The following PCCA variants were observed in gnomAD, a reference collection of about 807,000 sequenced individuals.
PCCA encodes propionyl-CoA carboxylase alpha chain, mitochondrial.
In PCCA, 74 loss-of-function variants were observed where a neutral mutation model predicts 101.3. The observed-to-expected ratio is 0.73, with a 90% CI of 0.61 to 0.89. The LOEUF (loss-of-function observed/expected upper bound fraction) is 0.89. Ranked by LOEUF, PCCA falls within the 40% of genes least tolerant of loss-of-function variation. The pLI, the probability that PCCA is intolerant of heterozygous loss-of-function variation, is 0.00. For synonymous variants in PCCA, 294 were observed against 313.6 expected (o/e 0.94, Z 0.66); for missense variants, 891 against 907.0 (o/e 0.98, Z 0.23).
intron 19 of PCCA, among the ~76,000 whole-genome samples, chr13:100,414,016 A>G (rs2078208044): frequency 6.6e-6 from 1 of 152,238 alleles, no homozygotes; most frequent in Admixed American, 6.5e-5. Context: ...GTTGTTACTG[A>G]TCAATTAATG....
At chr13:100,418,793 C>T (rs1208863610) in intron 19 of PCCA, among the ~76,000 whole-genome samples, 1 of 150,302 alleles carries the variant, frequency 6.7e-6, no homozygotes, top group Non-Finnish European at 1.5e-5. Context: ...AAGATCATGC[C>T]ATCGTACTTC....
intron 4 of PCCA, among the ~76,000 whole-genome samples, chr13:100,153,512 T>A (rs1384193255): frequency 1.3e-5 from 2 of 152,144 alleles, no homozygotes; most frequent in African/African-American, 4.8e-5. Context: ...TTTTAAAGGA[T>A]TGTGAAGTAC....
chr13:100,357,050 G>A (rs2074028156), intron 18 of PCCA, among the ~76,000 whole-genome samples: 1 of 152,166 alleles, frequency 6.6e-6, no homozygotes, highest in African/African-American at 2.4e-5. Context: ...GGAGGGGAAT[G>A]TAGAGTAACT....
At chr13:100,235,805 TG>T in intron 7 of PCCA, 36 bp from the exon 8 acceptor site, 2 of 1,497,610 alleles carry the variant, frequency 1.3e-6, no homozygotes, top group Non-Finnish European at 1.9e-6. Context: ...CAATGCCTCA[TG>T]GGATTAATGT....
chr13:100,212,781 A>G (rs972188112), intron 7 of PCCA, among the ~76,000 whole-genome samples: 1 of 152,020 alleles, frequency 6.6e-6, no homozygotes, highest in East Asian at 1.9e-4. Flanking sequence ...GTTGACTGTA[A>G]TCACTTTGTT....
At chr13:100,452,592 C>T (rs1004290257) in intron 21 of PCCA, among the ~76,000 whole-genome samples, 4 of 152,162 alleles carry the variant, frequency 2.6e-5, no homozygotes, top group Admixed American at 1.3e-4. Flanking sequence ...CTGGTCACGC[C>T]GCTTACAGTT....
chr13:100,101,800 G>T (rs1387152855), intron 1 of PCCA, among the ~76,000 whole-genome samples: 2 of 151,808 alleles, frequency 1.3e-5, no homozygotes, highest in Non-Finnish European at 2.9e-5. Context: ...ACGGGATTTC[G>T]CCATTTTGGC....
chr13:100,453,472 T>C (rs2081483112), intron 21 of PCCA, among the ~76,000 whole-genome samples: 2 of 90,802 alleles, frequency 2.2e-5, no homozygotes, highest in East Asian at 4.9e-4. Flanking sequence ...CACTACACTC[T>C]AGTTTAAAAA....
chr13:100,183,769 G>A (rs962153351), intron 6 of PCCA, among the ~76,000 whole-genome samples: 3 of 152,082 alleles, frequency 2.0e-5, no homozygotes, highest in Non-Finnish European at 2.9e-5. Flanking sequence ...GAGTAAGCCC[G>A]GAAGGCGAGG....
At chr13:100,298,664 CTCCCTCCCTCCT>C (rs1566891041) in intron 12 of PCCA, among the ~76,000 whole-genome samples, 230 of 10,782 alleles carry the variant, frequency 0.021, 37 homozygotes, top group South Asian at 0.037. Context: ...CCCTCCCTCC[CTCCCTCCCTCCT>C]TCCTTCCTTC....
intron 7 of PCCA, among the ~76,000 whole-genome samples, chr13:100,223,905 C>G (rs1352819151): frequency 6.6e-6 from 1 of 152,230 alleles, no homozygotes; most frequent in Non-Finnish European, 1.5e-5. Flanking sequence ...ACACAGGGTG[C>G]TGATTGGTGT....
At position 100,203,625 on chromosome 13, in the gene PCCA, G is replaced by A. The variant is rs535380094; in HGVS notation, c.469-5707G>A. Among the ~76,000 whole-genome samples the A allele has an allele frequency of 7.2e-4, 109 of 152,206 alleles. 1 individual carries two copies. The highest frequency in any genetic ancestry group is 2.3e-3 in the African/African-American group (97 of 41,534). Reference sequence around the variant, plus strand: ...GGAGAATTGCTTGAACCCAAGAGGCGGAGATTGCAATGAGCCAGGATTGCA... The same window carrying A: ...GGAGAATTGCTTGAACCCAAGAGGCAGAGATTGCAATGAGCCAGGATTGCA... On this transcript the variant is annotated intron_variant, in intron 6 of 23. Transcript: ENST00000376285.
intron 4 of PCCA, among the ~76,000 whole-genome samples, chr13:100,118,450 A>G (rs1459916854): frequency 6.6e-6 from 1 of 151,976 alleles, no homozygotes; most frequent in Non-Finnish European, 1.5e-5. Flanking sequence ...GATTTTTATT[A>G]TGTTGGCTTT....
At chr13:100,382,526 C>T (rs2076285949) in intron 19 of PCCA, among the ~76,000 whole-genome samples, 1 of 152,122 alleles carries the variant, frequency 6.6e-6, no homozygotes. Context: ...CACCAGGGAC[C>T]CACACCTGTC....
At chr13:100,241,837 A>G (rs1316606557) in intron 8 of PCCA, among the ~76,000 whole-genome samples, 6 of 152,180 alleles carry the variant, frequency 3.9e-5, no homozygotes, top group Non-Finnish European at 7.3e-5. Flanking sequence ...TGGTACTGCT[A>G]TGAACATTTA....
chr13:100,221,504 A>C (rs933523443), intron 7 of PCCA, among the ~76,000 whole-genome samples: 1 of 152,196 alleles, frequency 6.6e-6, no homozygotes, highest in Non-Finnish European at 1.5e-5. Context: ...CCTCTGTTCT[A>C]GTAAATTTGG....
Position 100,143,418 on chromosome 13 carries a change from C to G in PCCA, c.301-11561C>G, listed in dbSNP as rs558722796. ...GCTGTGGTGGTGCACGCCTGTAGTCCCAGCTACTTGGGAGGCTGAGGCATG... is the reference window on the plus strand; with the variant it reads ...GCTGTGGTGGTGCACGCCTGTAGTCGCAGCTACTTGGGAGGCTGAGGCATG... On this transcript the variant is annotated intron_variant, in intron 4 of 23. Coordinates refer to ENST00000376285, the MANE Select transcript of PCCA (RefSeq NM_000282.4). 6.7e-4 allele frequency among the ~76,000 whole-genome samples: 102 copies of G among 151,778 alleles called. 1 individual carries two copies. Among genetic ancestry groups the G allele is most frequent in the African/African-American group, 2.3e-3 (94 of 41,396 alleles).
intron 20 of PCCA, among the ~76,000 whole-genome samples, chr13:100,433,242 A>AG (rs1478074711): frequency 6.6e-6 from 1 of 152,258 alleles, no homozygotes; most frequent in Admixed American, 6.5e-5. Context: ...TCCCATTAGC[A>AG]GTGCACAATA....
intron 10 of PCCA, among the ~76,000 whole-genome samples, chr13:100,264,993 G>T (rs1021942705): frequency 6.6e-6 from 1 of 152,228 alleles, no homozygotes; most frequent in Non-Finnish European, 1.5e-5. Flanking sequence ...ATTTTGTGAA[G>T]TGACTTCTCA....
Sources: gnomAD v4.1 joint callset for allele counts (sites outside exome capture counted in the v4.1 genomes callset) on GRCh38, gnomAD v4.1.1 for gene constraint, MANE v1.5 for transcripts, NCBI Gene and HGNC (gene_info 2026-07-23, HGNC 2026-07-21) for gene names.